Variants in DOCK3 observed in about 807,000 individuals in gnomAD.
The protein encoded by DOCK3 is dedicator of cytokinesis protein 3.
In DOCK3, 60 loss-of-function variants were observed where a neutral mutation model predicts 265.6. The observed-to-expected ratio is 0.23, with a 90% CI of 0.18 to 0.28. The LOEUF is 0.28. Ranked by LOEUF, DOCK3 falls within the 10% of genes least tolerant of loss-of-function variation. The probability of loss-of-function intolerance (pLI) is 1.00; values close to 1 mark genes in which losing one functional copy is unlikely to be tolerated. For missense variants in DOCK3, 1,981 were observed against 2,594.3 expected, an observed-to-expected ratio of 0.76 and a Z score of 5.14; for synonymous variants, 881 against 938.0, an observed-to-expected ratio of 0.94 and a Z score of 1.11.
chr3:50,782,115 A>C (rs2041944504), intron 2 of DOCK3, among the ~76,000 whole-genome samples: 1 of 152,152 alleles, frequency 6.6e-6, no homozygotes, highest in African/African-American at 2.4e-5. Context: ...TGATAGAATG[A>C]TTTATATTCC....
intron 3 of DOCK3, among the ~76,000 whole-genome samples, chr3:50,872,291 G>A (rs897663290): frequency 6.6e-6 from 1 of 152,242 alleles, no homozygotes; most frequent in African/African-American, 2.4e-5. Flanking sequence ...TTTCAGACTT[G>A]TAGAGGGACC....
chr3:51,220,263 T>C (rs1303685168), intron 14 of DOCK3, among the ~76,000 whole-genome samples: 1 of 152,170 alleles, frequency 6.6e-6, no homozygotes, highest in East Asian at 1.9e-4. Context: ...TGAAAGAAAG[T>C]CAGTTCTCAT....
chr3:50,813,353 T>C (rs1171375905), intron 2 of DOCK3, among the ~76,000 whole-genome samples: 1 of 151,968 alleles, frequency 6.6e-6, no homozygotes, highest in African/African-American at 2.4e-5. Flanking sequence ...CTGGGCAACA[T>C]AGTGAGACCC....
At chr3:50,920,993 T>G (rs894439747) in intron 4 of DOCK3, among the ~76,000 whole-genome samples, 1 of 152,176 alleles carries the variant, frequency 6.6e-6, no homozygotes, top group African/African-American at 2.4e-5. Context: ...TTTCTGCCTT[T>G]ATTTTGTTAT....
intron 23 of DOCK3, among the ~76,000 whole-genome samples, chr3:51,268,156 C>A (rs567943303): frequency 2.0e-5 from 3 of 151,870 alleles, no homozygotes; most frequent in South Asian, 4.2e-4. Flanking sequence ...ATTAAAACTT[C>A]AAAAAAAGAT....
At chr3:50,842,292 G>A (rs1041195637) in intron 3 of DOCK3, among the ~76,000 whole-genome samples, 2 of 152,034 alleles carry the variant, frequency 1.3e-5, no homozygotes, top group African/African-American at 4.8e-5. Flanking sequence ...ATTTTTTCAT[G>A]TAATTAATAT....
intron 1 of DOCK3, among the ~76,000 whole-genome samples, chr3:50,688,295 T>G (rs1241149249): frequency 2.0e-5 from 3 of 152,192 alleles, no homozygotes; most frequent in Non-Finnish European, 4.4e-5. Flanking sequence ...CTCCAAAGGC[T>G]TGTCTTTTAA....
At chr3:50,891,922 G>C (rs2048660430) in intron 4 of DOCK3, among the ~76,000 whole-genome samples, 1 of 152,088 alleles carries the variant, frequency 6.6e-6, no homozygotes, top group African/African-American at 2.4e-5. Context: ...CCTGGATTCA[G>C]TTTGCCTCAG....
chr3:50,803,381 G>A (rs1356830009), intron 2 of DOCK3, among the ~76,000 whole-genome samples: 2 of 152,160 alleles, frequency 1.3e-5, no homozygotes, highest in South Asian at 2.1e-4. Flanking sequence ...CAGAGAGCAC[G>A]GGGTTGGGGG....
intron 9 of DOCK3, among the ~76,000 whole-genome samples, chr3:51,118,306 C>G (rs1028786455): frequency 6.6e-6 from 1 of 152,162 alleles, no homozygotes; most frequent in African/African-American, 2.4e-5. Context: ...AATTTGATTG[C>G]ACTGTAGACT....
chr3:50,829,241 C>T (rs1395041809), intron 2 of DOCK3, among the ~76,000 whole-genome samples: 1 of 151,764 alleles, frequency 6.6e-6, no homozygotes, highest in African/African-American at 2.4e-5. Context: ...TGGGTGTTTT[C>T]TTTTAGCATT....
At chr3:50,888,515 A>T (rs2048461013) in intron 3 of DOCK3, among the ~76,000 whole-genome samples, 1 of 152,188 alleles carries the variant, frequency 6.6e-6, no homozygotes, top group Non-Finnish European at 1.5e-5. Context: ...AACTACTTTA[A>T]AGTTCATATG....
intron 2 of DOCK3, among the ~76,000 whole-genome samples, chr3:50,792,763 C>T (rs183127766): frequency 6.6e-5 from 10 of 152,312 alleles, no homozygotes; most frequent in Admixed American, 4.6e-4. Flanking sequence ...TTAGAGCAAT[C>T]TTGCATTCCA....
intron 38 of DOCK3, among the ~76,000 whole-genome samples, chr3:51,344,393 G>A (rs2085428057): frequency 6.6e-6 from 1 of 152,162 alleles, no homozygotes; most frequent in African/African-American, 2.4e-5. Context: ...GGCCAAGGTG[G>A]GCGGATCACT....
chr3:51,142,893 C>CT (rs964014674), intron 9 of DOCK3, among the ~76,000 whole-genome samples: 59 of 148,788 alleles, frequency 4.0e-4, no homozygotes, highest in Middle Eastern at 3.4e-3. Flanking sequence ...ATTCATTCTT[C>CT]TTTTTTTTTT....
chr3:50,788,033 C>A, intron 2 of DOCK3: 1 of 735,130 alleles, frequency 1.4e-6, no homozygotes, highest in South Asian at 1.7e-5. Context: ...AGACTCTGCT[C>A]CTGTCTCCCT....
intron 1 of DOCK3, among the ~76,000 whole-genome samples, chr3:50,765,663 G>T (rs893704942): frequency 1.3e-5 from 2 of 151,982 alleles, no homozygotes; most frequent in African/African-American, 4.8e-5. Flanking sequence ...CATGTTTATA[G>T]GGTACAGTGT....
intron 5 of DOCK3, among the ~76,000 whole-genome samples, chr3:50,968,095 A>G (rs2077086460): frequency 6.6e-6 from 1 of 152,010 alleles, no homozygotes. Flanking sequence ...TATAGTTTTG[A>G]TTTGCATTTC....
At chr3:50,705,763 C>T (rs2036370600) in intron 1 of DOCK3, among the ~76,000 whole-genome samples, 1 of 152,132 alleles carries the variant, frequency 6.6e-6, no homozygotes, top group Non-Finnish European at 1.5e-5. Context: ...GGCATGGTGG[C>T]TCACACCTGT....
Sources: gnomAD v4.1 joint callset for allele counts (sites outside exome capture counted in the v4.1 genomes callset) on GRCh38, gnomAD v4.1.1 for gene constraint, MANE v1.5 for transcripts, NCBI Gene and HGNC (gene_info 2026-07-23, HGNC 2026-07-21) for gene names.